PLD5: variants seen among roughly 807,000 people sequenced by gnomAD.
PLD5 encodes the protein phospholipase D family member 5, also known as inactive phospholipase D5.
Under a neutral mutation model 61.1 loss-of-function variants are expected in PLD5, and 36 were observed. That is an observed-to-expected ratio of 0.59 (90% confidence interval 0.45 to 0.78). PLD5 has a LOEUF of 0.78. Ranked by LOEUF, PLD5 falls within the 30% of genes least tolerant of loss-of-function variation. The pLI is 0.00. For missense variants in PLD5, 515 were observed against 644.4 expected (o/e 0.80, Z 2.17); for synonymous variants, 243 against 242.8 (o/e 1.00, Z -0.01).
intron 5 of PLD5, among the ~76,000 whole-genome samples, chr1:242,133,499 TCAAAA>T (rs1663467082): frequency 6.6e-6 from 1 of 152,192 alleles, no homozygotes; most frequent in Admixed American, 6.5e-5. Flanking sequence ...AATTCTTTGT[TCAAAA>T]CACCAAGAAC....
chr1:242,233,172 A>G (rs534148932), intron 4 of PLD5, among the ~76,000 whole-genome samples: 1 of 152,172 alleles, frequency 6.6e-6, no homozygotes, highest in African/African-American at 2.4e-5. Context: ...GAATGAATGA[A>G]TGAATGAATG....
chr1:242,459,864 T>G lies in PLD5; in HGVS notation c.189+64224A>C, dbSNP rs1667062721. Among the ~76,000 whole-genome samples the G allele has an allele frequency of 2.6e-5, 4 of 152,136 alleles. No individual in the cohort carries two copies. The South Asian group carries it at 8.3e-4, about 32-fold the overall frequency. On this transcript the variant is annotated intron_variant, in intron 1 of 9. Coordinates refer to ENST00000536534, the MANE Select transcript of PLD5 (RefSeq NM_001372062.1). ...TAAAGGGATGCATGGGGGGCGCCTGTCCATATGGATAAGATAGGGCTATAA... is the reference window on the plus strand; with the variant it reads ...TAAAGGGATGCATGGGGGGCGCCTGGCCATATGGATAAGATAGGGCTATAA...
intron 1 of PLD5, chr1:242,376,788 T>C (rs1661987632): frequency 2.3e-6 from 2 of 854,350 alleles, no homozygotes; most frequent in Non-Finnish European, 3.6e-6. Flanking sequence ...TGAAGGAAGG[T>C]ACGTTGAAAG....
At chr1:242,385,684 A>T (rs1315990517) in intron 1 of PLD5, among the ~76,000 whole-genome samples, 2 of 152,192 alleles carry the variant, frequency 1.3e-5, no homozygotes, top group Admixed American at 1.3e-4. Flanking sequence ...AAAGGGAAAG[A>T]AGTAAGCATT....
Position 242,524,271 on chromosome 1 carries a change from C to A in PLD5, c.6G>T (p.Glu2Asp), listed in dbSNP as rs1572291096. 2 of 1,477,022 alleles carry A rather than the reference C, an allele frequency of 1.4e-6. No homozygotes were observed. The highest frequency in any genetic ancestry group is 2.8e-5 in the East Asian group (1 of 36,122). The allele number at this position is 1,477,022 out of a possible 1,614,324, so 91.5% of individuals were successfully genotyped here. A position where few individuals can be genotyped will look rare whatever the true frequency, so the allele number is the denominator to read the frequency against. ...CCGAGAGCCACTCGTGCTGCCGGAT[C>A]TCCATCCTGACATGACCGGGCGGCC... M[E>D]IRQHEWLSAS... Residue 2 changes from glutamate (E) to aspartate (D), a missense_variant, in exon 1 of 10, where the codon GAG (glutamate) becomes GAT (aspartate). Physicochemically the swap from Glu to Asp is conservative, Grantham distance 45 (BLOSUM62 2). Transcript: ENST00000536534.
Position 242,088,342 on chromosome 1 carries a change from C to T in PLD5, c.*1512G>A, listed in dbSNP as rs1174133984. On this transcript the variant is annotated 3_prime_UTR_variant, in exon 10 of 10. Transcript: ENST00000536534. ...TTTCATCCACATTTGCAACAGGAAGCTGTGAATTTGTTTTCCTTTGTGGAT... is the reference window on the plus strand; with the variant it reads ...TTTCATCCACATTTGCAACAGGAAGTTGTGAATTTGTTTTCCTTTGTGGAT... 6.6e-6 allele frequency: 1 copy of T among 152,144 alleles called. No homozygotes were observed. Among genetic ancestry groups the T allele is most frequent in the African/African-American group, 2.4e-5 (1 of 41,426 alleles). The allele number at this position is 152,144 out of a possible 1,614,324, so 9.4% of individuals were successfully genotyped here.
chr1:242,449,576 T>A, intron 1 of PLD5: 2 of 1,390,936 alleles, frequency 1.4e-6, no homozygotes, highest in South Asian at 3.1e-5. Context: ...AGCTTGCAAT[T>A]TCAGAATTTC....
At chr1:242,337,882 G>A (rs547815418) in intron 2 of PLD5, among the ~76,000 whole-genome samples, 91 of 152,264 alleles carry the variant, frequency 6.0e-4, no homozygotes, top group Non-Finnish European at 2.8e-4. Flanking sequence ...CATCCAGGGT[G>A]AGTAATATCT....
intron 1 of PLD5, among the ~76,000 whole-genome samples, chr1:242,388,898 T>G (rs913773201): frequency 1.3e-5 from 2 of 152,088 alleles, no homozygotes; most frequent in African/African-American, 2.4e-5. Flanking sequence ...GAGGTTGCAG[T>G]GAGCTGAGAT....
chr1:242,134,623 C>T (rs1663562134), intron 5 of PLD5, among the ~76,000 whole-genome samples: 2 of 152,180 alleles, frequency 1.3e-5, no homozygotes, highest in East Asian at 3.9e-4. Flanking sequence ...GGATCTTCCT[C>T]TTGCCCCAGA....
chr1:242,479,605 T>G (rs1667705319), intron 1 of PLD5, among the ~76,000 whole-genome samples: 1 of 152,196 alleles, frequency 6.6e-6, no homozygotes, highest in South Asian at 2.1e-4. Context: ...CTCCCAATAT[T>G]GATGTATAGA....
chr1:242,288,820 A>G (rs1675181678), intron 2 of PLD5, among the ~76,000 whole-genome samples: 1 of 152,192 alleles, frequency 6.6e-6, no homozygotes, highest in African/African-American at 2.4e-5. Flanking sequence ...TGGAAAAAAA[A>G]TTGTGAGCTT....
At chr1:242,178,122 G>A (rs1667288929) in intron 5 of PLD5, among the ~76,000 whole-genome samples, 1 of 152,176 alleles carries the variant, frequency 6.6e-6, no homozygotes, top group South Asian at 2.1e-4. Context: ...AACCTACCAG[G>A]TTAAAGCTTA....
At chr1:242,119,428 C>G (rs2148719552) in intron 6 of PLD5, among the ~76,000 whole-genome samples, 1 of 152,270 alleles carries the variant, frequency 6.6e-6, no homozygotes, top group East Asian at 1.9e-4. Context: ...AAGACCTTGT[C>G]TCTATAAAAA....
chr1:242,165,407 T>C (rs1666229124), intron 5 of PLD5, among the ~76,000 whole-genome samples: 1 of 151,326 alleles, frequency 6.6e-6, no homozygotes, highest in South Asian at 2.1e-4. Flanking sequence ...AAAAAGACTG[T>C]TCACATCCTT....
At chr1:242,127,269 G>C (rs1198312967) in intron 5 of PLD5, among the ~76,000 whole-genome samples, 2 of 152,160 alleles carry the variant, frequency 1.3e-5, no homozygotes, top group Non-Finnish European at 2.9e-5. Context: ...ATTAAAAGTA[G>C]AACTACCATT....
chr1:242,108,728 C>G (rs916762604), intron 7 of PLD5, among the ~76,000 whole-genome samples: 4 of 152,216 alleles, frequency 2.6e-5, no homozygotes, highest in Non-Finnish European at 2.9e-5. Context: ...AACTCTTGCC[C>G]TAATTCTGGG....
At chr1:242,125,597 G>T (rs1662722007) in intron 5 of PLD5, among the ~76,000 whole-genome samples, 1 of 152,050 alleles carries the variant, frequency 6.6e-6, no homozygotes, top group Admixed American at 6.6e-5. Context: ...GTGAAATTTT[G>T]GTCATTAAAG....
intron 5 of PLD5, among the ~76,000 whole-genome samples, chr1:242,176,961 T>C (rs908875052): frequency 6.6e-6 from 1 of 152,186 alleles, no homozygotes; most frequent in Admixed American, 6.5e-5. Flanking sequence ...ATAGGAAAGC[T>C]TGCACACTGT....
Sources: gnomAD v4.1 joint callset for allele counts (sites outside exome capture counted in the v4.1 genomes callset) on GRCh38, gnomAD v4.1.1 for gene constraint, MANE v1.5 for transcripts, NCBI Gene and HGNC (gene_info 2026-07-23, HGNC 2026-07-21) for gene names.